Variants in PSAT1 observed in about 807,000 individuals in gnomAD.
PSAT1 encodes the protein phosphoserine aminotransferase.
In PSAT1, 41 loss-of-function variants were observed where a neutral mutation model predicts 40.3. That is an observed-to-expected ratio of 1.02 (90% CI 0.79 to 1.32). The LOEUF is 1.32. Ranked by LOEUF, PSAT1 falls within the 40% of genes most tolerant of loss-of-function variation. PSAT1 has a pLI of 0.00. For synonymous variants in PSAT1, 147 were observed against 170.5 expected, an observed-to-expected ratio of 0.86 and a Z score of 1.07; for missense variants, 406 against 455.8, an observed-to-expected ratio of 0.89 and a Z score of 0.99.
intron 1 of PSAT1, among the ~76,000 whole-genome samples, chr9:78,299,505 A>G (rs373855516): frequency 8.4e-6 from 1 of 119,200 alleles, no homozygotes; most frequent in African/African-American, 3.1e-5. Flanking sequence ...TCTTTTTTTT[A>G]ATCTAATTCT....
At chr9:78,302,146 G>T in intron 3 of PSAT1, 123 bp downstream of exon 3, 3 of 787,158 alleles carry the variant, frequency 3.8e-6, no homozygotes, top group East Asian at 5.4e-5. Context: ...AATAATCCTT[G>T]TAAGATTCTC....
At chr9:78,308,863 G>A (rs1489250814) in intron 6 of PSAT1, among the ~76,000 whole-genome samples, 1 of 152,204 alleles carries the variant, frequency 6.6e-6, no homozygotes, top group African/African-American at 2.4e-5. Context: ...GCTGAGGCAG[G>A]AGAATCTCTT....
chr9:78,320,974 A>G (rs1034046304), intron 7 of PSAT1, among the ~76,000 whole-genome samples: 3 of 150,952 alleles, frequency 2.0e-5, no homozygotes, highest in African/African-American at 7.3e-5. Context: ...GGAACAAAAT[A>G]AGAAAGCATA....
intron 6 of PSAT1, among the ~76,000 whole-genome samples, chr9:78,312,854 A>C (rs1828287745): frequency 6.6e-6 from 1 of 152,148 alleles, no homozygotes; most frequent in Non-Finnish European, 1.5e-5. Context: ...TAGTGGAGCC[A>C]GTTTTGGGAG....
At chr9:78,317,275 C>T (rs1263691915) in intron 6 of PSAT1, among the ~76,000 whole-genome samples, 1 of 151,920 alleles carries the variant, frequency 6.6e-6, no homozygotes, top group East Asian at 1.9e-4. Context: ...TTTTTGGAGA[C>T]AGGATCTCGC....
chr9:78,297,255 C>T lies in PSAT1; in HGVS notation c.45C>T (p.Ala15=). 6.2e-7 allele frequency: 1 copy of T among 1,601,348 alleles called. No individual in the cohort carries two copies. The change falls in exon 1 of 9, where the codon GCC becomes GCT. Residue 15 remains alanine, a synonymous_variant. Coordinates refer to ENST00000376588, the MANE Select transcript of PSAT1 (RefSeq NM_058179.4). ...RQVVNFGPGP[A]KLPHSVLLEI... is the part of the protein sequence containing the mutation. ...TGGTCAACTTTGGGCCTGGTCCCGC[C>T]AAGCTGCCGCACTCAGTAAGTCCCC...
chr9:78,320,131 CATCT>C (rs1828405364), intron 7 of PSAT1, among the ~76,000 whole-genome samples: 1 of 151,504 alleles, frequency 6.6e-6, no homozygotes, highest in South Asian at 2.1e-4. Flanking sequence ...CTCACTCATC[CATCT>C]ATCCATCCAT....
At chr9:78,320,279 A>G (rs971418421) in intron 7 of PSAT1, among the ~76,000 whole-genome samples, 16 of 150,324 alleles carry the variant, frequency 1.1e-4, no homozygotes, top group African/African-American at 1.5e-4. Context: ...CCATCCATCC[A>G]TTCATCCATC....
rs774223780 is a variant in PSAT1, at chr9:78,308,480, C to T, written c.637C>T (p.Arg213Cys). Residue 213 changes from arginine (R) to cysteine (C), a missense_variant, in exon 6 of 9, where the codon CGT becomes TGT. By Grantham distance (180) the Arg-to-Cys change is radical. Coordinates refer to ENST00000376588, the MANE Select transcript of PSAT1 (RefSeq NM_058179.4). Reference sequence around the variant, plus strand: ...TGCTGGGGTCACCGTGGTGATTGTCCGTGATGACCTGCTGGGGTTTGCCCT... The same window carrying T: ...TGCTGGGGTCACCGTGGTGATTGTCTGTGATGACCTGCTGGGGTTTGCCCT... ...GSAGVTVVIV[R>C]DDLLGFALRE... The T allele has an allele frequency of 3.3e-5, 53 of 1,613,756 alleles. No homozygotes were observed. The East Asian group carries it at 3.8e-4, about 12-fold the overall frequency.
At chr9:78,304,636 TA>T in intron 3 of PSAT1, 98 bp from the exon 4 acceptor site, 1 of 1,137,404 alleles carries the variant, frequency 8.8e-7, no homozygotes, top group Non-Finnish European at 1.3e-6. Flanking sequence ...TTTCTTGTAG[TA>T]AATCCACCCA....
rs548701618 is a variant in PSAT1 at position 78,305,017 on chromosome 9, C to A, written c.397+77C>A. 1.7e-4 allele frequency: 230 copies of A among 1,327,840 alleles called. No homozygotes were observed. The Middle Eastern group carries it at 4.1e-3, about 24-fold the overall frequency. 82.3% of individuals were successfully genotyped at this position (1,327,840 alleles called of 1,614,324 possible). A position where few individuals can be genotyped will look rare whatever the true frequency, so the allele number is the denominator to read the frequency against. ...CCGACCCAGGGCAATCTGTAGTTTT[C>A]AATTATTTTCTCCCCTTGACAGTGT... On this transcript the variant is annotated intron_variant, in intron 4 of 8. Transcript: ENST00000376588.
intron 5 of PSAT1, among the ~76,000 whole-genome samples, chr9:78,308,031 T>C (rs1828210405): frequency 6.6e-6 from 1 of 151,930 alleles, no homozygotes; most frequent in South Asian, 2.1e-4. Flanking sequence ...AGAGCAAGAC[T>C]CCGTCTCAAA....
chr9:78,315,961 C>T (rs1325597248), intron 6 of PSAT1, among the ~76,000 whole-genome samples: 2 of 152,220 alleles, frequency 1.3e-5, no homozygotes, highest in South Asian at 2.1e-4. Context: ...CTTTGATTCA[C>T]ACCTCTGGAG....
At chr9:78,298,241 G>A in intron 1 of PSAT1, 2 of 981,152 alleles carry the variant, frequency 2.0e-6, no homozygotes, top group Non-Finnish European at 2.4e-6. Context: ...TGAGCCCATT[G>A]TCAGGCGGCT....
chr9:78,323,914 C>T (rs912270342), intron 7 of PSAT1, among the ~76,000 whole-genome samples: 1 of 152,182 alleles, frequency 6.6e-6, no homozygotes, highest in Non-Finnish European at 1.5e-5. Context: ...GTATCTGACA[C>T]ATCCTTTCAG....
At chr9:78,311,603 G>A (rs547979861) in intron 6 of PSAT1, among the ~76,000 whole-genome samples, 1 of 152,054 alleles carries the variant, frequency 6.6e-6, no homozygotes, top group African/African-American at 2.4e-5. Context: ...GGAGGCCGAG[G>A]CGAGTGGATC....
intron 6 of PSAT1, among the ~76,000 whole-genome samples, chr9:78,313,940 C>T (rs13288791): frequency 0.41 from 62,509 of 152,172 alleles, 14,292 homozygotes; most frequent in Non-Finnish European, 0.52. Context: ...AGCCACCACA[C>T]CTGGCCCTTT....
At position 78,300,270 on chromosome 9, in the gene PSAT1, C is replaced by G. The variant is rs1283213623; in HGVS notation, c.61-332C>G. On this transcript the variant is annotated intron_variant, in intron 1 of 8. Transcript: ENST00000376588. ...TTTTTTTATCGTTGTCCCTTTAACC[C>G]AGAACTTTATGCATTCTTTACTTTA... 2.6e-5 allele frequency among the ~76,000 whole-genome samples: 4 copies of G among 152,110 alleles called. 1 individual carries two copies. The highest frequency in any genetic ancestry group is 7.2e-5 in the African/African-American group (3 of 41,396).
At chr9:78,297,337 A>T (rs1313439038) in intron 1 of PSAT1, 67 bp downstream of exon 1, 9 of 1,520,758 alleles carry the variant, frequency 5.9e-6, no homozygotes, top group Non-Finnish European at 8.0e-6. Flanking sequence ...GTGGGTTTGC[A>T]TCCCTGCGTG....
Sources: allele counts gnomAD v4.1 joint callset (sites outside exome capture counted in the v4.1 genomes callset), GRCh38; gene constraint gnomAD v4.1.1; transcripts MANE v1.5; gene names NCBI Gene and HGNC (gene_info 2026-07-23, HGNC 2026-07-21).